The following NFIB variants were observed in gnomAD, a reference collection of about 807,000 sequenced individuals.
The protein encoded by NFIB is nuclear factor 1 B-type.
A neutral mutation model predicts 61.5 loss-of-function variants in NFIB; 11 were observed. The observed-to-expected ratio is 0.18, with a 90% CI of 0.11 to 0.30. The LOEUF (loss-of-function observed/expected upper bound fraction) is 0.30. Ranked by LOEUF, NFIB falls within the 10% of genes least tolerant of loss-of-function variation. NFIB has a pLI of 1.00. For synonymous variants in NFIB, 260 were observed against 216.5 expected (o/e 1.20, Z -1.76); for missense variants, 471 against 608.9 (o/e 0.77, Z 2.38).
At chr9:14,379,229 G>A (rs2132994616) in intron 1 of NFIB, among the ~76,000 whole-genome samples, 1 of 152,304 alleles carries the variant, frequency 6.6e-6, no homozygotes, top group South Asian at 2.1e-4. Flanking sequence ...ATTGTTTGCT[G>A]AGACAACCTG....
chr9:14,354,109 A>G (rs1249698025), intron 1 of NFIB, among the ~76,000 whole-genome samples: 2 of 152,104 alleles, frequency 1.3e-5, no homozygotes, highest in African/African-American at 4.8e-5. Context: ...TCACTAATAC[A>G]CCGCACCCTA....
At chr9:14,180,493 A>C (rs2046644070) in intron 2 of NFIB, among the ~76,000 whole-genome samples, 1 of 152,142 alleles carries the variant, frequency 6.6e-6, no homozygotes, top group Non-Finnish European at 1.5e-5. Context: ...CCTACCCCAT[A>C]CTATTCCTCA....
chr9:14,108,247 C>T lies in NFIB; in HGVS notation c.1467+4752G>A, dbSNP rs563530024. Among the ~76,000 whole-genome samples, 19 of 152,228 alleles carry T rather than the reference C, an allele frequency of 1.2e-4. No individual in the cohort carries two copies. The South Asian group carries it at 3.9e-3, about 32-fold the overall frequency. Reference sequence around the variant, plus strand: ...GAACAGCCCAAGTGTTGATAGCCTGCTTCCTGACTGTATTGAAAAGTTTGT... The same window carrying T: ...GAACAGCCCAAGTGTTGATAGCCTGTTTCCTGACTGTATTGAAAAGTTTGT... On this transcript the variant is annotated intron_variant, in intron 10 of 10. Transcript: ENST00000380953.
intron 2 of NFIB, among the ~76,000 whole-genome samples, chr9:14,306,764 T>C (rs1490133136): frequency 6.6e-6 from 1 of 152,232 alleles, no homozygotes; most frequent in African/African-American, 2.4e-5. Context: ...CTTTGTGGTC[T>C]TTCTTAAATA....
the NFIB span, among the ~76,000 whole-genome samples, chr9:14,420,368 C>T: frequency 2.8e-5 from 4 of 141,412 alleles, no homozygotes; most frequent in Admixed American, 8.1e-5. Context: ...ATCACTTGAA[C>T]CCGGGAGGTG....
intron 2 of NFIB, among the ~76,000 whole-genome samples, chr9:14,214,211 C>A (rs887842740): frequency 1.3e-5 from 2 of 152,138 alleles, no homozygotes; most frequent in Non-Finnish European, 1.5e-5. Context: ...GAGGCACCAA[C>A]TTCCCCTTCC....
At chr9:14,465,572 T>TACACACACAC in the NFIB span, among the ~76,000 whole-genome samples, 902 of 146,294 alleles carry the variant, frequency 6.2e-3, 8 homozygotes, top group African/African-American at 0.02. Context: ...AATGACTTGT[T>TACACACACAC]ACACACACAC....
At chr9:14,214,928 T>C (rs1300568521) in intron 2 of NFIB, among the ~76,000 whole-genome samples, 1 of 152,224 alleles carries the variant, frequency 6.6e-6, no homozygotes, top group African/African-American at 2.4e-5. Context: ...TACACATGCA[T>C]ACCTATGCTT....
intron 2 of NFIB, among the ~76,000 whole-genome samples, chr9:14,197,004 A>C (rs1456011396): frequency 1.3e-5 from 2 of 152,238 alleles, no homozygotes; most frequent in Admixed American, 1.3e-4. Flanking sequence ...ACATTGGTAC[A>C]ATTAGATACT....
intron 6 of NFIB, among the ~76,000 whole-genome samples, chr9:14,130,801 A>T (rs2040313215): frequency 6.6e-6 from 1 of 152,238 alleles, no homozygotes; most frequent in Admixed American, 6.5e-5. Context: ...CTAGTAGTGC[A>T]GGATGAGAAA....
chr9:14,229,991 CAG>C (rs1288642478), intron 2 of NFIB, among the ~76,000 whole-genome samples: 1 of 152,130 alleles, frequency 6.6e-6, no homozygotes, highest in Non-Finnish European at 1.5e-5. Context: ...TTAGTAGAGA[CAG>C]GGTTTCTCCA....
At chr9:14,419,377 G>A in the NFIB span, among the ~76,000 whole-genome samples, 1 of 151,792 alleles carries the variant, frequency 6.6e-6, no homozygotes, top group African/African-American at 2.4e-5. Context: ...GGGGACCAGG[G>A]AGGGGAGGTT....
At chr9:14,455,118 G>C in the NFIB span, among the ~76,000 whole-genome samples, 1 of 152,200 alleles carries the variant, frequency 6.6e-6, no homozygotes, top group African/African-American at 2.4e-5. Flanking sequence ...GCACATGGTA[G>C]GCCTGCAATA....
the NFIB span, among the ~76,000 whole-genome samples, chr9:14,493,941 G>C: frequency 9.2e-5 from 14 of 152,180 alleles, no homozygotes; most frequent in Admixed American, 2.0e-4. Flanking sequence ...AAGTAGATCA[G>C]TTCTTTTAAG....
At chr9:14,455,085 C>G in the NFIB span, among the ~76,000 whole-genome samples, 175 of 152,260 alleles carry the variant, frequency 1.1e-3, 1 homozygote, top group Non-Finnish European at 2.3e-3. Context: ...GATACAAATA[C>G]CTGATGACTG....
chr9:14,339,035 C>T (rs2060918658), intron 1 of NFIB, among the ~76,000 whole-genome samples: 1 of 152,184 alleles, frequency 6.6e-6, no homozygotes, highest in Admixed American at 6.5e-5. Flanking sequence ...AAAGAGGACA[C>T]ACCATATTCT....
intron 1 of NFIB, among the ~76,000 whole-genome samples, chr9:14,359,476 A>C (rs1010230317): frequency 1.3e-5 from 2 of 152,346 alleles, no homozygotes; most frequent in South Asian, 4.1e-4. Flanking sequence ...GAGGCACCAG[A>C]AGCTGGATGA....
At chr9:14,227,749 C>T (rs7043673) in intron 2 of NFIB, among the ~76,000 whole-genome samples, 90,163 of 151,508 alleles carry the variant, frequency 0.6, 28,650 homozygotes, top group East Asian at 0.84. Flanking sequence ...TGGATACTAT[C>T]ATCAACTCCA....
chr9:14,180,015 G>A (rs1224650875), intron 2 of NFIB, among the ~76,000 whole-genome samples: 1 of 152,114 alleles, frequency 6.6e-6, no homozygotes, highest in Non-Finnish European at 1.5e-5. Context: ...ATTTTCTTGG[G>A]CTAGAGCAAG....
Sources: allele counts gnomAD v4.1 joint callset (sites outside exome capture counted in the v4.1 genomes callset), GRCh38; gene constraint gnomAD v4.1.1; transcripts MANE v1.5; gene names NCBI Gene and HGNC (gene_info 2026-07-23, HGNC 2026-07-21).